The following MAN1C1 variants were observed in gnomAD, a reference collection of about 807,000 sequenced individuals.
The protein encoded by MAN1C1 is mannosidase alpha class 1C member 1, also known as mannosyl-oligosaccharide 1,2-alpha-mannosidase IC.
Under a neutral mutation model 71.5 loss-of-function variants are expected in MAN1C1, and 49 were observed. The ratio of observed to expected loss-of-function variants is 0.69; its 90% CI spans 0.54 to 0.87. MAN1C1 has a LOEUF of 0.87. MAN1C1 is among the 40% of genes least tolerant of loss of function. MAN1C1 has a pLI of 0.00. For synonymous variants in MAN1C1, 352 were observed against 343.7 expected (o/e 1.02, Z -0.27); for missense variants, 743 against 835.0 (o/e 0.89, Z 1.36).
chr1:25,640,602 G>T (rs770955930), intron 1 of MAN1C1, among the ~76,000 whole-genome samples: 1 of 152,144 alleles, frequency 6.6e-6, no homozygotes, highest in Non-Finnish European at 1.5e-5. Flanking sequence ...CTATAAAATA[G>T]AATCAATTTT....
chr1:25,777,431 C>T (rs1234217710), intron 8 of MAN1C1, among the ~76,000 whole-genome samples: 1 of 152,178 alleles, frequency 6.6e-6, no homozygotes, highest in East Asian at 1.9e-4. Flanking sequence ...CACCAAAAGG[C>T]ATGGCCATCA....
At chr1:25,652,536 G>C (rs2045708156) in intron 1 of MAN1C1, among the ~76,000 whole-genome samples, 1 of 152,234 alleles carries the variant, frequency 6.6e-6, no homozygotes, top group South Asian at 2.1e-4. Flanking sequence ...TGCATGGCTG[G>C]TTAGCAAAGA....
chr1:25,774,808 T>C (rs1306399800), intron 8 of MAN1C1, among the ~76,000 whole-genome samples: 2 of 139,786 alleles, frequency 1.4e-5, no homozygotes, highest in Non-Finnish European at 3.1e-5. Context: ...AGCACAAATA[T>C]TTTTGTTAAT....
At chr1:25,646,732 T>C (rs1398830309) in intron 1 of MAN1C1, among the ~76,000 whole-genome samples, 1 of 152,216 alleles carries the variant, frequency 6.6e-6, no homozygotes, top group Non-Finnish European at 1.5e-5. Context: ...AAGTTCACTG[T>C]GTTGTAGTGT....
intron 6 of MAN1C1, chr1:25,759,025 T>G: frequency 3.5e-6 from 1 of 286,804 alleles, no homozygotes; most frequent in Non-Finnish European, 6.7e-6. Flanking sequence ...CTGGAGAAAG[T>G]GCAACTGAAA....
chr1:25,667,464 G>A (rs1299653869), intron 1 of MAN1C1, among the ~76,000 whole-genome samples: 18 of 128,442 alleles, frequency 1.4e-4, no homozygotes, highest in African/African-American at 4.2e-4. Flanking sequence ...CACCCTGGGC[G>A]ATGGAGTGAG....
intron 8 of MAN1C1, chr1:25,777,789 G>GAC: frequency 3.8e-6 from 1 of 263,228 alleles, no homozygotes; most frequent in African/African-American, 2.2e-5. Flanking sequence ...TCAAACAGAG[G>GAC]ACATAATGGA....
In MAN1C1 at chr1:25,738,533, T is replaced by G. The variant is rs543833618; in HGVS notation, c.638-8135T>G. 7.8e-4 allele frequency among the ~76,000 whole-genome samples: 118 copies of G among 152,244 alleles called. 1 individual carries two copies. Among genetic ancestry groups the G allele is most frequent in the African/African-American group, 2.7e-3 (112 of 41,540 alleles). ...TATTTTATTATGCTCACAGATTGAG[T>G]GGGTCAGTAATTCAGAAAGGGCACA... On this transcript the variant is annotated intron_variant, in intron 2 of 11. Transcript: ENST00000374332.
intron 2 of MAN1C1, among the ~76,000 whole-genome samples, chr1:25,699,529 C>T (rs1377516496): frequency 6.6e-6 from 1 of 152,052 alleles, no homozygotes; most frequent in Non-Finnish European, 1.5e-5. Context: ...GTATTTCCTC[C>T]CCACTCTAGG....
Position 25,711,807 on chromosome 1 carries a change from G to T in MAN1C1, c.637+25271G>T, listed in dbSNP as rs1314988081. ...AAGCCGTGCTGTCCTGTGTGTGAAA[G>T]AGGATACTTTCTTTATTTTACTAAA... On this transcript the variant is annotated intron_variant, in intron 2 of 11. Coordinates refer to ENST00000374332, the MANE Select transcript of MAN1C1 (RefSeq NM_020379.4). This position sits in a 1 kb window ranked among gnomAD's most constrained non-coding sequence, Gnocchi z 4.3. Among the ~76,000 whole-genome samples the T allele has an allele frequency of 6.6e-6, 1 of 152,216 alleles. No homozygotes were observed. The highest frequency in any genetic ancestry group is 2.1e-4 in the South Asian group (1 of 4,830).
chr1:25,746,805 G>A lies in MAN1C1; in HGVS notation c.753+22G>A, dbSNP rs777825561. 3 of 1,389,656 alleles carry A rather than the reference G, an allele frequency of 2.2e-6. No individual in the cohort carries two copies. Among genetic ancestry groups the A allele is most frequent in the Admixed American group, 1.9e-5 (1 of 51,660 alleles). 86.1% of individuals were successfully genotyped at this position (1,389,656 alleles called of 1,614,324 possible). A position where few individuals can be genotyped will look rare whatever the true frequency, so the allele number is the denominator to read the frequency against. On this transcript the variant is annotated intron_variant, in intron 3 of 11. Coordinates refer to ENST00000374332, the MANE Select transcript of MAN1C1 (RefSeq NM_020379.4). This position sits in a 1 kb window ranked among gnomAD's most constrained non-coding sequence, Gnocchi z 4.0. ...CGTGGTGAGTCAGAGGCCCTCGGCG[G>A]GGGAGGGGGGCGGGGGCCAGAAGAG...
At chr1:25,757,628 T>C (rs920565308) in intron 5 of MAN1C1, among the ~76,000 whole-genome samples, 4 of 152,148 alleles carry the variant, frequency 2.6e-5, no homozygotes, top group African/African-American at 9.7e-5. Flanking sequence ...CACTGTGTCT[T>C]ACGGATGCAG....
At chr1:25,758,882 G>A (rs1298822727) in intron 6 of MAN1C1, 173 bp downstream of exon 6, 13 of 623,142 alleles carry the variant, frequency 2.1e-5, no homozygotes, top group South Asian at 2.0e-4. Context: ...ATACCCCAAC[G>A]CCAGGTGGCA....
chr1:25,755,033 C>G (rs1285174743), intron 5 of MAN1C1, among the ~76,000 whole-genome samples: 2 of 152,158 alleles, frequency 1.3e-5, no homozygotes, highest in Non-Finnish European at 2.9e-5. Context: ...CTGGCAGGAG[C>G]TGGGCTACTG....
intron 7 of MAN1C1, among the ~76,000 whole-genome samples, chr1:25,767,885 T>C (rs555379779): frequency 0.04 from 1,087 of 27,176 alleles, 107 homozygotes; most frequent in African/African-American, 0.23. Context: ...TCACATACAT[T>C]CACACTCCCC....
intron 1 of MAN1C1, among the ~76,000 whole-genome samples, chr1:25,653,454 T>C (rs1292196132): frequency 3.3e-5 from 5 of 152,144 alleles, no homozygotes; most frequent in Non-Finnish European, 7.3e-5. Context: ...TGGTAAACCA[T>C]CTTTTTGTGT....
chr1:25,653,803 G>A (rs187521441), intron 1 of MAN1C1, among the ~76,000 whole-genome samples: 37 of 152,280 alleles, frequency 2.4e-4, no homozygotes, highest in African/African-American at 8.4e-4. Flanking sequence ...AGGTCGGGGC[G>A]GGGAGCAGCA....
At chr1:25,622,768 T>TA (rs2045233951) in intron 1 of MAN1C1, among the ~76,000 whole-genome samples, 1 of 152,224 alleles carries the variant, frequency 6.6e-6, no homozygotes, top group African/African-American at 2.4e-5. Flanking sequence ...ACCAGGGTAT[T>TA]GCTGGTTATG....
In MAN1C1 at chr1:25,783,763, T is replaced by G. The variant is rs1427110239; in HGVS notation, c.1867T>G (p.Ser623Ala). 6.2e-7 allele frequency: 1 copy of G among 1,612,190 alleles called. No homozygotes were observed. Among genetic ancestry groups the G allele is most frequent in the Non-Finnish European group, 8.5e-7 (1 of 1,180,006 alleles). The change falls in exon 12 of 12, where the codon TCC becomes GCC. Residue 623 changes from serine to alanine, a missense_variant. By Grantham distance (99) the Ser-to-Ala change is moderately conservative. Coordinates refer to ENST00000374332, the MANE Select transcript of MAN1C1 (RefSeq NM_020379.4). ...HPLPVNHSDS[S>A]GRAWGRH ...ACTCCCGGTGAACCACTCAGACAGC[T>G]CCGGCAGAGCCTGGGGCAGACACTG...
Sources: gnomAD v4.1 joint callset for allele counts (sites outside exome capture counted in the v4.1 genomes callset) on GRCh38, gnomAD v4.1.1 for gene constraint, Gnocchi (gnomAD v3.1) non-coding constraint, MANE v1.5 for transcripts, NCBI Gene and HGNC (gene_info 2026-07-23, HGNC 2026-07-21) for gene names.